The following SVOPL variants were observed in gnomAD, a reference collection of about 807,000 sequenced individuals.
SVOPL encodes the protein SVOP like, also known as putative transporter SVOPL.
A neutral mutation model predicts 61.0 loss-of-function variants in SVOPL; 60 were observed. That is an observed-to-expected ratio of 0.98 (90% confidence interval 0.80 to 1.22). SVOPL has a LOEUF of 1.22. SVOPL is among the 50% of genes most tolerant of loss of function. The pLI is 0.00. For synonymous variants in SVOPL, 279 were observed against 250.0 expected (o/e 1.12, Z -1.09); for missense variants, 662 against 643.9 (o/e 1.03, Z -0.30).
chr7:138,699,235 C>T (rs1050728177), intron 1 of SVOPL, among the ~76,000 whole-genome samples: 2 of 151,856 alleles, frequency 1.3e-5, no homozygotes, highest in Non-Finnish European at 2.9e-5. Context: ...ACCTGGGAGG[C>T]GGAGGTTACA....
chr7:138,680,581 G>A (rs1802678735), intron 1 of SVOPL, among the ~76,000 whole-genome samples: 2 of 151,222 alleles, frequency 1.3e-5, no homozygotes, highest in African/African-American at 4.9e-5. Flanking sequence ...TTGTGTGTGT[G>A]TGTGTGTGTG....
intron 4 of SVOPL, chr7:138,664,217 A>T: frequency 1.0e-6 from 1 of 980,202 alleles, no homozygotes; most frequent in Non-Finnish European, 1.2e-6. Flanking sequence ...TACCTGGAAG[A>T]CGTCCTGCCT....
intron 13 of SVOPL, among the ~76,000 whole-genome samples, chr7:138,621,870 C>CTATGTATCTATCTATGTATCTATCTATG (rs1563095588): frequency 8.7e-5 from 2 of 22,938 alleles, no homozygotes; most frequent in African/African-American, 1.3e-4. Context: ...ATCTATCTAT[C>CTATGTATCTATCTATGTATCTATCTATG]TATCTATCTA....
Position 138,601,265 on chromosome 7 carries a change from A to G in SVOPL, c.1354-4735T>C, listed in dbSNP as rs571957388. On this transcript the variant is annotated intron_variant, in intron 14 of 15. Transcript: ENST00000674285. ...AGATTCCATCTCAAAAAAAAAAAAAAAAAAGAAAAGAAAATCACCACCTTG... is the reference window on the plus strand; with the variant it reads ...AGATTCCATCTCAAAAAAAAAAAAAGAAAAGAAAAGAAAATCACCACCTTG... Among the ~76,000 whole-genome samples, 511 of 151,598 alleles carry G rather than the reference A, an allele frequency of 3.4e-3. 1 individual carries two copies. Among genetic ancestry groups the G allele is most frequent in the African/African-American group, 0.012 (479 of 41,346 alleles).
chr7:138,597,058 T>A, intron 14 of SVOPL: 1 of 1,158,656 alleles, frequency 8.6e-7, no homozygotes, highest in Non-Finnish European at 1.1e-6. Flanking sequence ...CTCTTTGGTG[T>A]CAATTTTTCC....
At chr7:138,632,397 G>A (rs570861855) in intron 9 of SVOPL, among the ~76,000 whole-genome samples, 1 of 152,320 alleles carries the variant, frequency 6.6e-6, no homozygotes, top group African/African-American at 2.4e-5. Flanking sequence ...TCATGCCACT[G>A]CACTCCAGCC....
intron 14 of SVOPL, among the ~76,000 whole-genome samples, chr7:138,606,302 A>G (rs1798755441): frequency 1.3e-5 from 2 of 152,116 alleles, no homozygotes; most frequent in Non-Finnish European, 2.9e-5. Flanking sequence ...GTTGGAGAGA[A>G]AGTTATTAAG....
chr7:138,620,518 C>T (rs1196481024), intron 14 of SVOPL, among the ~76,000 whole-genome samples: 4 of 151,950 alleles, frequency 2.6e-5, no homozygotes, highest in Non-Finnish European at 4.4e-5. Flanking sequence ...CCACGACCCC[C>T]AGGGTCGCCA....
intron 3 of SVOPL, 108 bp downstream of exon 3, chr7:138,678,326 G>A (rs1802620210): frequency 8.3e-7 from 1 of 1,203,032 alleles, no homozygotes; most frequent in Non-Finnish European, 1.1e-6. Context: ...AGGACCTCCT[G>A]AGGGCTGTGT....
At chr7:138,677,795 C>G (rs1170590830) in intron 3 of SVOPL, among the ~76,000 whole-genome samples, 2 of 142,278 alleles carry the variant, frequency 1.4e-5, no homozygotes, top group African/African-American at 5.2e-5. Flanking sequence ...CGCAGTCTCG[C>G]TCTGTCATTC....
chr7:138,674,259 T>G (rs1362239207), intron 3 of SVOPL, among the ~76,000 whole-genome samples: 3 of 151,710 alleles, frequency 2.0e-5, no homozygotes, highest in South Asian at 2.1e-4. Flanking sequence ...GGTCACAGGC[T>G]GAGGCTGCTC....
rs199794073 is a variant in SVOPL at position 138,621,077 on chromosome 7, A to G, written c.1322T>C (p.Ile441Thr). ...GMGTSGSLCR[I>T]GAMVAPFISQ... ...TATAAATGGTGCCACCATTGCACCA[A>G]TGCGACACAGGGAGCCGCTGGTTCC... The change falls in exon 14 of 16, where the codon ATT becomes ACT. Residue 441 changes from isoleucine to threonine, a missense_variant. Coordinates refer to ENST00000674285, the MANE Select transcript of SVOPL (RefSeq NM_001139456.2). 4.3e-6 allele frequency: 7 copies of G among 1,613,490 alleles called. No homozygotes were observed. The highest frequency in any genetic ancestry group is 1.3e-5 in the African/African-American group (1 of 74,868).
chr7:138,659,363 G>C (rs1801897926), intron 6 of SVOPL, among the ~76,000 whole-genome samples: 1 of 152,038 alleles, frequency 6.6e-6, no homozygotes, highest in Non-Finnish European at 1.5e-5. Flanking sequence ...CATGATGGCA[G>C]GCATCTGTAA....
intron 13 of SVOPL, 130 bp from the exon 14 acceptor site, chr7:138,621,265 T>G (rs991762016): frequency 2.2e-5 from 13 of 597,220 alleles, no homozygotes; most frequent in Admixed American, 4.2e-5. Flanking sequence ...GAATATGGAA[T>G]AGAAGGTGTT....
intron 9 of SVOPL, among the ~76,000 whole-genome samples, chr7:138,640,389 G>A (rs1800724821): frequency 6.6e-6 from 1 of 151,874 alleles, no homozygotes; most frequent in Non-Finnish European, 1.5e-5. Flanking sequence ...GTGCCACCAT[G>A]CCTGGCTAAT....
chr7:138,643,489 G>A (rs1399410275), intron 9 of SVOPL, among the ~76,000 whole-genome samples: 1 of 150,900 alleles, frequency 6.6e-6, no homozygotes, highest in Non-Finnish European at 1.5e-5. Context: ...GTTCATAGTA[G>A]CATCAGTCAA....
At chr7:138,648,192 T>TG in intron 8 of SVOPL, among the ~76,000 whole-genome samples, 1 of 151,010 alleles carries the variant, frequency 6.6e-6, no homozygotes, top group Admixed American at 6.6e-5. Flanking sequence ...AAGGAGAGAG[T>TG]GGAGTCAGCA....
chr7:138,674,882 G>GACC (rs1802520821), intron 3 of SVOPL, among the ~76,000 whole-genome samples: 4 of 150,394 alleles, frequency 2.7e-5, no homozygotes. Flanking sequence ...GATACTTGAA[G>GACC]ACCAGAGATC....
At chr7:138,680,956 A>C (rs1470599638) in intron 1 of SVOPL, among the ~76,000 whole-genome samples, 1 of 152,050 alleles carries the variant, frequency 6.6e-6, no homozygotes, top group East Asian at 1.9e-4. Flanking sequence ...AGCCTAAACT[A>C]TTCTTGCTAA....
Sources: gnomAD v4.1 joint callset for allele counts (sites outside exome capture counted in the v4.1 genomes callset) on GRCh38, gnomAD v4.1.1 for gene constraint, MANE v1.5 for transcripts, NCBI Gene and HGNC (gene_info 2026-07-23, HGNC 2026-07-21) for gene names.